The following PTPN23 variants were observed in gnomAD, a reference collection of about 807,000 sequenced individuals.
PTPN23 encodes protein tyrosine phosphatase non-receptor type 23.
In PTPN23, 72 loss-of-function variants were observed where a neutral mutation model predicts 156.3. The observed-to-expected ratio is 0.46, with a 90% CI of 0.38 to 0.56. The LOEUF is 0.56. Among genes scored for constraint, PTPN23 ranks in the 20% least tolerant of loss-of-function variants. The pLI is 0.00. For synonymous variants in PTPN23, 957 were observed against 899.6 expected, an observed-to-expected ratio of 1.06 and a Z score of -1.14; for missense variants, 1,974 against 2,171.5, an observed-to-expected ratio of 0.91 and a Z score of 1.81.
At chr3:47,394,308 A>G (rs923778584) in intron 1 of PTPN23, among the ~76,000 whole-genome samples, 24 of 152,314 alleles carry the variant, frequency 1.6e-4, no homozygotes, top group Admixed American at 1.4e-3. Flanking sequence ...GTCGGCACAC[A>G]GTATGTTGGA....
In PTPN23 at chr3:47,411,096, C is replaced by CG. The variant is rs1196640710; in HGVS notation, c.3299dup (p.Ala1103SerfsTer48). 1 of 1,599,486 alleles carries CG rather than the reference C, an allele frequency of 6.3e-7. No individual in the cohort carries two copies. The highest frequency in any genetic ancestry group is 1.3e-5 in the African/African-American group (1 of 74,558). On this transcript the variant is annotated frameshift_variant, in exon 20 of 25. Transcript: ENST00000265562. LOFTEE classifies it high-confidence loss of function. The surrounding 1 kb of genome is among the most constrained non-coding windows in gnomAD (Gnocchi z 6.3). ...TCCAGGGCCTGGTCCGGTACCCCCT[C>CG]GCCCCCCAGCAGCAGAACCACCCCC... is the stretch of plus-strand genomic sequence containing the variant.
chr3:47,397,829 C>A (rs1704910790), intron 2 of PTPN23, among the ~76,000 whole-genome samples: 1 of 152,130 alleles, frequency 6.6e-6, no homozygotes, highest in Non-Finnish European at 1.5e-5. Flanking sequence ...ACCACCACGC[C>A]CGGCTAATTT....
chr3:47,404,952 CAG>C, intron 3 of PTPN23, 51 bp from the exon 4 acceptor site: 1 of 1,608,734 alleles, frequency 6.2e-7, no homozygotes, highest in Non-Finnish European at 8.5e-7. Flanking sequence ...TACCTAATCT[CAG>C]GGCCCTGGCT....
Position 47,410,814 on chromosome 3 carries a change from G to GACCCCTATGAGCA in PTPN23, c.3016_3017insACCCCTATGAGCA (p.Val1006AspfsTer80). 1 of 1,602,450 alleles carries GACCCCTATGAGCA rather than the reference G, an allele frequency of 6.2e-7. No individual in the cohort carries two copies. The highest frequency in any genetic ancestry group is 8.5e-7 in the Non-Finnish European group (1 of 1,172,140). ...CTACCCCTATGCCCCTCAGCCTGGG[G>GACCCCTATGAGCA]TCCTGGGGCAGCCGCCACCCCCCCT... is the stretch of plus-strand genomic sequence containing the variant. On this transcript the variant is annotated frameshift_variant, in exon 20 of 25. Transcript: ENST00000265562. LOFTEE classifies it high-confidence loss of function.
rs923473018 is a variant in PTPN23 at position 47,408,873 on chromosome 3, G to A, written c.1428G>A (p.Ala476=). The A allele has an allele frequency of 6.2e-6, 10 of 1,614,110 alleles. No homozygotes were observed. The highest frequency in any genetic ancestry group is 1.6e-4 in the Middle Eastern group (1 of 6,084). Residue 476 remains alanine, a synonymous_variant, in exon 16 of 25, where the codon GCG becomes GCA. Transcript: ENST00000265562. ...TGCTAGAGCAGAAGTTTCAGGAGGC[G>A]GTGGGCCAGGCAGGGGCCATCTCCA... ...DELLEQKFQE[A]VGQAGAISIT...
intron 1 of PTPN23, among the ~76,000 whole-genome samples, chr3:47,381,447 C>T (rs1456593087): frequency 6.6e-6 from 1 of 152,190 alleles, no homozygotes. Flanking sequence ...CCGCTGTTCC[C>T]ACTGAGGCAG....
chr3:47,413,082 A>ATAAC lies in PTPN23; in HGVS notation c.4810_4813dup (p.Phe1605Ter), dbSNP rs1275033819. 2.5e-6 allele frequency: 4 copies of ATAAC among 1,612,928 alleles called. No homozygotes were observed. Among genetic ancestry groups the ATAAC allele is most frequent in the South Asian group, 1.1e-5 (1 of 91,092 alleles). Reference sequence around the variant, plus strand: ...CGGGGCAAACAGCGGATGAGCAAGCATAACTTTCTGCAGGCCCATAACGGG... The same window carrying ATAAC: ...CGGGGCAAACAGCGGATGAGCAAGCATAACTAACTTTCTGCAGGCCCATAACGGG... On this transcript the variant is annotated frameshift_variant, in exon 25 of 25. Transcript: ENST00000265562. LOFTEE classifies it high-confidence loss of function.
intron 1 of PTPN23, among the ~76,000 whole-genome samples, chr3:47,381,595 G>A (rs1704540458): frequency 6.6e-6 from 1 of 152,176 alleles, no homozygotes; most frequent in Non-Finnish European, 1.5e-5. Flanking sequence ...GCGCTGTCAA[G>A]TCCACGCCCG....
intron 15 of PTPN23, 80 bp downstream of exon 15, chr3:47,408,570 G>A (rs1043625907): frequency 3.9e-6 from 6 of 1,540,634 alleles, no homozygotes; most frequent in Non-Finnish European, 5.3e-6. Flanking sequence ...CCTGGTCACT[G>A]AGGATGGAGG....
intron 1 of PTPN23, among the ~76,000 whole-genome samples, chr3:47,383,271 T>G (rs1196857672): frequency 1.3e-5 from 2 of 152,236 alleles, no homozygotes; most frequent in Non-Finnish European, 2.9e-5. Flanking sequence ...AGGTCTCATT[T>G]TGCCCTGTGG....
Position 47,413,177 on chromosome 3 carries a change from A to G in PTPN23, c.4903A>G (p.Lys1635Glu), listed in dbSNP as rs1280975931. The change falls in exon 25 of 25, where the codon AAG becomes GAG. Residue 1635 changes from lysine to glutamate, a missense_variant. Transcript: ENST00000265562. ...TCTGGATCCACTCTGGACACTCAACAAGACCTGAACAGGTTTTGCCTACCT... is the reference window on the plus strand; with the variant it reads ...TCTGGATCCACTCTGGACACTCAACGAGACCTGAACAGGTTTTGCCTACCT... ...SLLDPLWTLN[K>E]T The G allele has an allele frequency of 6.2e-7, 1 of 1,610,384 alleles. No homozygotes were observed. Among genetic ancestry groups the G allele is most frequent in the African/African-American group, 1.3e-5 (1 of 74,840 alleles).
In PTPN23 at chr3:47,412,324, C is replaced by T; in HGVS notation, c.4220C>T (p.Ala1407Val). 1 of 1,613,426 alleles carries T rather than the reference C, an allele frequency of 6.2e-7. No individual in the cohort carries two copies. The highest frequency in any genetic ancestry group is 8.5e-7 in the Non-Finnish European group (1 of 1,180,028). ...ACGGGAGCCTTTGCACTGCTCTATG[C>T]AGCTGTGCAGGAGGTGGAGGCTGGG... is the stretch of plus-strand genomic sequence containing the variant. ...GRTGAFALLY[A>V]AVQEVEAGNG... is the part of the protein sequence containing the mutation. The change falls in exon 23 of 25, where the codon GCA becomes GTA. Residue 1407 changes from alanine to valine, a missense_variant. By Grantham distance (64) the Ala-to-Val change is moderately conservative. Around this residue, in one of 4 missense-constraint regions of PTPN23, gnomAD observed 484 missense variants for 516.0 expected, o/e 0.94. Transcript: ENST00000265562.
chr3:47,383,515 G>T (rs1452593588), intron 1 of PTPN23, among the ~76,000 whole-genome samples: 1 of 152,152 alleles, frequency 6.6e-6, no homozygotes, highest in Non-Finnish European at 1.5e-5. Context: ...AAGCATCTCT[G>T]TGTTCCCCAG....
intron 2 of PTPN23, 98 bp downstream of exon 2, chr3:47,396,315 C>T (rs1704878996): frequency 2.1e-6 from 2 of 958,050 alleles, no homozygotes; most frequent in Non-Finnish European, 3.1e-6. Context: ...GGCTCAACGC[C>T]TATAATCCCA....
Position 47,405,338 on chromosome 3 carries a change from G to A in PTPN23, c.364+257G>A. The A allele has an allele frequency of 3.6e-6, 2 of 559,516 alleles. No homozygotes were observed. The highest frequency in any genetic ancestry group is 6.2e-5 in the Admixed American group (2 of 32,264). 34.7% of individuals were successfully genotyped at this position (559,516 alleles called of 1,614,324 possible). ...GCCACTGTGTGCTCTGTCTGGGAGA[G>A]AGGGCCTTTCTTCTTTGACTGGACA... is the stretch of plus-strand genomic sequence containing the variant. On this transcript the variant is annotated intron_variant, in intron 4 of 24. Transcript: ENST00000265562. The surrounding 1 kb of genome is among the most constrained non-coding windows in gnomAD (Gnocchi z 4.7).
rs1705380940 is a variant in PTPN23, at chr3:47,413,338, G to C, written c.*153G>C. The C allele has an allele frequency of 9.6e-7, 1 of 1,043,438 alleles. No homozygotes were observed. The highest frequency in any genetic ancestry group is 2.5e-5 in the Admixed American group (1 of 40,232). The allele number at this position is 1,043,438 out of a possible 1,614,324, so 64.6% of individuals were successfully genotyped here. The stretch of plus-strand genomic sequence containing the variant: ...GCCCAGCCTGCACCCCTGTGGGGTG[G>C]AAATGTACTGCAGGCTCTGGGTCAG... On this transcript the variant is annotated 3_prime_UTR_variant, in exon 25 of 25. Transcript: ENST00000265562.
intron 1 of PTPN23, among the ~76,000 whole-genome samples, chr3:47,382,147 A>G (rs1410002699): frequency 6.6e-6 from 1 of 152,218 alleles, no homozygotes; most frequent in East Asian, 1.9e-4. Context: ...TAGTTTCCCA[A>G]GAAGCTGTCT....
chr3:47,400,962 G>T (rs1233395199), intron 2 of PTPN23, among the ~76,000 whole-genome samples: 1 of 151,674 alleles, frequency 6.6e-6, no homozygotes, highest in African/African-American at 2.4e-5. Context: ...GAGTGCAGTG[G>T]CGCAATCTCG....
In PTPN23 at chr3:47,412,468, G is replaced by A. The variant is rs751763371; in HGVS notation, c.4318-46G>A. ...GCTGGGATGGGCCTTCTGTCCCAGGGTGACGGGCCCCTGCCCAGCTGACCT... is the reference window on the plus strand; with the variant it reads ...GCTGGGATGGGCCTTCTGTCCCAGGATGACGGGCCCCTGCCCAGCTGACCT... On this transcript the variant is annotated intron_variant, in intron 23 of 24. Coordinates refer to ENST00000265562, the MANE Select transcript of PTPN23 (RefSeq NM_015466.4). 5.0e-6 allele frequency: 8 copies of A among 1,611,492 alleles called. No homozygotes were observed. The African/African-American group carries it at 1.1e-4, about 22-fold the overall frequency.
Sources: allele counts gnomAD v4.1 joint callset (sites outside exome capture counted in the v4.1 genomes callset), GRCh38; gene constraint gnomAD v4.1.1; regional missense constraint gnomAD v4.1.1; non-coding constraint Gnocchi (gnomAD v3.1); transcripts MANE v1.5; gene names NCBI Gene and HGNC (gene_info 2026-07-23, HGNC 2026-07-21).